Variants in CACUL1 observed in about 807,000 individuals in gnomAD.
The protein encoded by CACUL1 is CDK2 associated cullin domain 1.
CACUL1 carries 13 observed loss-of-function variants against 45.2 expected under a neutral mutation model. The ratio of observed to expected loss-of-function variants is 0.29; its 90% CI spans 0.19 to 0.46. The LOEUF (loss-of-function observed/expected upper bound fraction) is 0.46. CACUL1 is among the 20% of genes least tolerant of loss of function. CACUL1 has a pLI of 1.00. For missense variants in CACUL1, 421 were observed against 471.4 expected, an observed-to-expected ratio of 0.89 and a Z score of 0.99; for synonymous variants, 197 against 174.2, an observed-to-expected ratio of 1.13 and a Z score of -1.03.
At chr10:118,696,422 C>T (rs1278528975) in intron 5 of CACUL1, among the ~76,000 whole-genome samples, 1 of 152,170 alleles carries the variant, frequency 6.6e-6, no homozygotes, top group Admixed American at 6.5e-5. Flanking sequence ...GCAGGTGGAA[C>T]ACAAGGTCAG....
intron 7 of CACUL1, among the ~76,000 whole-genome samples, chr10:118,687,487 A>G (rs1845219443): frequency 6.6e-6 from 1 of 152,046 alleles, no homozygotes; most frequent in Non-Finnish European, 1.5e-5. Flanking sequence ...CCCAAAACCA[A>G]TCACTCCTCA....
chr10:118,705,611 T>C (rs1845425792), intron 4 of CACUL1, among the ~76,000 whole-genome samples: 1 of 152,206 alleles, frequency 6.6e-6, no homozygotes, highest in South Asian at 2.1e-4. Context: ...CAAAAATAAA[T>C]GTCTTTATTT....
At chr10:118,724,462 A>G (rs561405877) in intron 3 of CACUL1, among the ~76,000 whole-genome samples, 3 of 152,316 alleles carry the variant, frequency 2.0e-5, no homozygotes, top group African/African-American at 7.2e-5. Flanking sequence ...CAGTAGAGTC[A>G]TAGTTAAATA....
At chr10:118,686,778 T>G (rs889280099) in intron 7 of CACUL1, 137 bp from the exon 8 acceptor site, 56 of 665,090 alleles carry the variant, frequency 8.4e-5, no homozygotes, top group Non-Finnish European at 1.4e-4. Context: ...ATTAAACATC[T>G]TAGAATCCTG....
At chr10:118,692,309 G>A (rs999523070) in intron 6 of CACUL1, 8 of 151,896 alleles carry the variant, frequency 5.3e-5, no homozygotes, top group Non-Finnish European at 1.2e-4. Flanking sequence ...TAAAAGCTCA[G>A]GAGACTATAG....
intron 5 of CACUL1, among the ~76,000 whole-genome samples, chr10:118,696,952 T>C (rs944259787): frequency 6.6e-6 from 1 of 152,024 alleles, no homozygotes; most frequent in East Asian, 1.9e-4. Flanking sequence ...TGCAAACAAC[T>C]CCTACCATAA....
In CACUL1 at chr10:118,754,900, G is replaced by C. The variant is rs1020737791; in HGVS notation, c.-138C>G. 8.1e-7 allele frequency: 1 copy of C among 1,238,860 alleles called. No homozygotes were observed. The highest frequency in any genetic ancestry group is 1.1e-6 in the Non-Finnish European group (1 of 912,814). The allele number at this position is 1,238,860 out of a possible 1,614,324, so 76.7% of individuals were successfully genotyped here. On this transcript the variant is annotated 5_prime_UTR_variant, in exon 1 of 9. Coordinates refer to ENST00000369151, the MANE Select transcript of CACUL1 (RefSeq NM_153810.5). ...GCAGCGGAGAGGGCTGCGGTGCGCA[G>C]GGTCTCTCGCTCTCCGCGGGGCCGA...
chr10:118,689,594 G>C (rs1025749392), intron 7 of CACUL1, among the ~76,000 whole-genome samples: 1 of 152,148 alleles, frequency 6.6e-6, no homozygotes, highest in African/African-American at 2.4e-5. Flanking sequence ...TGGCTGAATA[G>C]TGCCATGTTT....
intron 1 of CACUL1, among the ~76,000 whole-genome samples, chr10:118,737,370 A>G (rs1845749877): frequency 6.6e-6 from 1 of 152,208 alleles, no homozygotes; most frequent in African/African-American, 2.4e-5. Flanking sequence ...CAGTATATTC[A>G]TTACATTCAG....
chr10:118,725,765 C>T (rs745365682), intron 3 of CACUL1, among the ~76,000 whole-genome samples: 19 of 152,174 alleles, frequency 1.2e-4, no homozygotes, highest in Non-Finnish European at 2.5e-4. Flanking sequence ...ATTATGCTGT[C>T]ATGTAAAAAA....
chr10:118,684,301 A>G lies in CACUL1; in HGVS notation c.*1827T>C, dbSNP rs1845183831. On this transcript the variant is annotated 3_prime_UTR_variant, in exon 9 of 9. Coordinates refer to ENST00000369151, the MANE Select transcript of CACUL1 (RefSeq NM_153810.5). ...GAAAAATTATTAATACCACTCACTC[A>G]GACTTCAGTTCTAGGTGTGATTGGT... 1 of 152,522 alleles carries G rather than the reference A, an allele frequency of 6.6e-6. No homozygotes were observed. The highest frequency in any genetic ancestry group is 2.4e-5 in the African/African-American group (1 of 41,458). 9.4% of individuals were successfully genotyped at this position (152,522 alleles called of 1,614,324 possible). A position where few individuals can be genotyped will look rare whatever the true frequency, so the allele number is the denominator to read the frequency against.
chr10:118,729,216 C>A, intron 3 of CACUL1, 79 bp downstream of exon 3: 3 of 845,586 alleles, frequency 3.5e-6, no homozygotes, highest in South Asian at 1.5e-5. Context: ...AACAAGCTTC[C>A]AAATGTGTAT....
At chr10:118,736,720 C>T (rs933846077) in intron 1 of CACUL1, among the ~76,000 whole-genome samples, 3 of 152,096 alleles carry the variant, frequency 2.0e-5, no homozygotes, top group Admixed American at 6.5e-5. Flanking sequence ...ACAGAAAGGC[C>T]TTCACTTTCA....
At chr10:118,695,005 T>C in intron 6 of CACUL1, 136 bp downstream of exon 6, 1 of 603,588 alleles carries the variant, frequency 1.7e-6, no homozygotes, top group African/African-American at 1.8e-5. Flanking sequence ...TTCACAATGA[T>C]GAGTATCTAC....
At chr10:118,730,216 G>C (rs1313405473) in intron 2 of CACUL1, 68 bp downstream of exon 2, 10 of 1,490,606 alleles carry the variant, frequency 6.7e-6, no homozygotes, top group Non-Finnish European at 9.3e-6. Context: ...GTTTGTGTGA[G>C]GCATAATTCA....
chr10:118,753,835 A>G (rs1396696453), intron 1 of CACUL1, among the ~76,000 whole-genome samples: 1 of 152,218 alleles, frequency 6.6e-6, no homozygotes, highest in African/African-American at 2.4e-5. Flanking sequence ...AAAGCAACTC[A>G]TTATTTCCCT....
At chr10:118,714,917 G>A (rs1187424186) in intron 3 of CACUL1, among the ~76,000 whole-genome samples, 3 of 152,114 alleles carry the variant, frequency 2.0e-5, no homozygotes, top group Admixed American at 2.0e-4. Flanking sequence ...AAAGGCTTTT[G>A]GGGACCCTCC....
At chr10:118,741,294 G>A (rs542998670) in intron 1 of CACUL1, among the ~76,000 whole-genome samples, 2 of 151,994 alleles carry the variant, frequency 1.3e-5, no homozygotes, top group Admixed American at 6.6e-5. Context: ...TCAAATCCTC[G>A]GAAATGGAAA....
chr10:118,688,967 A>G (rs1473516311), intron 7 of CACUL1, among the ~76,000 whole-genome samples: 1 of 152,180 alleles, frequency 6.6e-6, no homozygotes, highest in Non-Finnish European at 1.5e-5. Context: ...TTTGTTGCCT[A>G]CTCAGGATCA....
Sources: allele counts gnomAD v4.1 joint callset (sites outside exome capture counted in the v4.1 genomes callset), GRCh38; gene constraint gnomAD v4.1.1; transcripts MANE v1.5; gene names NCBI Gene and HGNC (gene_info 2026-07-23, HGNC 2026-07-21).